Variants in ADAMTS17 observed in about 807,000 individuals in gnomAD.
ADAMTS17 encodes A disintegrin and metalloproteinase with thrombospondin motifs 17.
A neutral mutation model predicts 141.5 loss-of-function variants in ADAMTS17; 113 were observed. The ratio of observed to expected loss-of-function variants is 0.80; its 90% CI spans 0.69 to 0.93. ADAMTS17 has a LOEUF of 0.93. Among genes scored for constraint, ADAMTS17 ranks in the 40% least tolerant of loss-of-function variants. The pLI, the probability that ADAMTS17 is intolerant of heterozygous loss-of-function variation, is 0.00. For synonymous variants in ADAMTS17, 768 were observed against 630.6 expected (o/e 1.22, Z -3.27); for missense variants, 1,659 against 1,517.9 (o/e 1.09, Z -1.54).
At chr15:100,161,729 A>G (rs1709194763) in intron 8 of ADAMTS17, among the ~76,000 whole-genome samples, 1 of 152,220 alleles carries the variant, frequency 6.6e-6, no homozygotes, top group African/African-American at 2.4e-5. Flanking sequence ...AGCTACTCAG[A>G]AATGCTACCT....
rs575495219 is a variant in ADAMTS17, at chr15:100,226,135, C to G, written c.1076-26712G>C. On this transcript the variant is annotated intron_variant, in intron 7 of 21. Transcript: ENST00000268070. ...TGCCATTCAGTCCTTACAGCAGTCA[C>G]GGCCTCTGTGCCCATTCAGTCCTTA... Among the ~76,000 whole-genome samples, 458 of 150,992 alleles carry G rather than the reference C, an allele frequency of 3.0e-3. 6 individuals are homozygous for G. Among genetic ancestry groups the G allele is most frequent in the African/African-American group, 0.011 (435 of 41,320 alleles).
At chr15:100,162,427 T>C (rs1473880173) in intron 8 of ADAMTS17, among the ~76,000 whole-genome samples, 1 of 144,796 alleles carries the variant, frequency 6.9e-6, no homozygotes, top group Non-Finnish European at 1.5e-5. Context: ...TATAACTATA[T>C]AGTTATATAT....
chr15:100,340,030 G>A (rs1447894977), intron 2 of ADAMTS17, among the ~76,000 whole-genome samples: 3 of 152,226 alleles, frequency 2.0e-5, no homozygotes, highest in African/African-American at 7.2e-5. Flanking sequence ...TGCCTGGGAA[G>A]GACAGACACA....
At chr15:100,221,408 T>C (rs1000495825) in intron 7 of ADAMTS17, among the ~76,000 whole-genome samples, 2 of 152,126 alleles carry the variant, frequency 1.3e-5, no homozygotes, top group East Asian at 1.9e-4. Flanking sequence ...CATACACTCA[T>C]ATAAGGTGGT....
intron 12 of ADAMTS17, among the ~76,000 whole-genome samples, chr15:100,131,670 A>G (rs1180997521): frequency 3.9e-5 from 6 of 152,218 alleles, no homozygotes; most frequent in Non-Finnish European, 7.3e-5. Context: ...AGAGACAGCC[A>G]GTGTGGAATG....
At chr15:100,202,941 T>C (rs2041390251) in intron 7 of ADAMTS17, among the ~76,000 whole-genome samples, 1 of 152,190 alleles carries the variant, frequency 6.6e-6, no homozygotes, top group East Asian at 1.9e-4. Flanking sequence ...TCCAGCCTTC[T>C]ATGATTTAAA....
chr15:100,203,777 T>C (rs766463268), intron 7 of ADAMTS17, among the ~76,000 whole-genome samples: 9 of 152,242 alleles, frequency 5.9e-5, no homozygotes, highest in Middle Eastern at 3.4e-3. Context: ...CAGGTCCCTA[T>C]GGTCCCAGCT....
intron 8 of ADAMTS17, among the ~76,000 whole-genome samples, chr15:100,181,798 C>T (rs1376946384): frequency 5.3e-5 from 8 of 152,234 alleles, no homozygotes; most frequent in Non-Finnish European, 1.2e-4. Flanking sequence ...AGGGGTGGCA[C>T]AAGCACTCCC....
chr15:100,287,906 C>T (rs117892102), intron 3 of ADAMTS17, among the ~76,000 whole-genome samples: 2,497 of 152,294 alleles, frequency 0.016, 36 homozygotes, highest in Non-Finnish European at 0.027. Flanking sequence ...ACCACAAAAA[C>T]GCACTTAAGT....
At chr15:100,161,378 C>T (rs1004125373) in intron 8 of ADAMTS17, among the ~76,000 whole-genome samples, 14 of 152,030 alleles carry the variant, frequency 9.2e-5, no homozygotes, top group African/African-American at 1.7e-4. Context: ...GCGTCAGGTC[C>T]GGCCTCACCT....
chr15:100,057,688 G>A (rs28577153), intron 15 of ADAMTS17, among the ~76,000 whole-genome samples: 2 of 152,144 alleles, frequency 1.3e-5, no homozygotes, highest in Middle Eastern at 6.8e-3. Flanking sequence ...CCAGGCACAG[G>A]CCCATCACCC....
At chr15:100,081,200 T>C (rs2034712322) in intron 15 of ADAMTS17, among the ~76,000 whole-genome samples, 1 of 152,178 alleles carries the variant, frequency 6.6e-6, no homozygotes, top group Non-Finnish European at 1.5e-5. Context: ...AGCCTACATC[T>C]TTCTCCTGTG....
At chr15:100,288,134 C>T (rs1051231446) in intron 3 of ADAMTS17, among the ~76,000 whole-genome samples, 2 of 152,160 alleles carry the variant, frequency 1.3e-5, no homozygotes, top group African/African-American at 4.8e-5. Flanking sequence ...TGCAGTGACA[C>T]CCACAGGATC....
rs574888136 is a variant in ADAMTS17 at position 100,111,375 on chromosome 15, C to T, written c.1889-2259G>A. Among the ~76,000 whole-genome samples the T allele has an allele frequency of 7.9e-5, 12 of 152,336 alleles. No homozygotes were observed. The South Asian group carries it at 2.5e-3, about 32-fold the overall frequency. On this transcript the variant is annotated intron_variant, in intron 13 of 21. Coordinates refer to ENST00000268070, the MANE Select transcript of ADAMTS17 (RefSeq NM_139057.4). Reference sequence around the variant, plus strand: ...TGGCAGGCTAGGGGCAGCTGTCCTTCCACTTGCAGGGAAGGACCTCAGGAG... The same window carrying T: ...TGGCAGGCTAGGGGCAGCTGTCCTTTCACTTGCAGGGAAGGACCTCAGGAG...
In ADAMTS17 at chr15:100,150,400, C is replaced by A. The variant is rs1038812676; in HGVS notation, c.1473+2212G>T. 8.5e-5 allele frequency among the ~76,000 whole-genome samples: 13 copies of A among 152,306 alleles called. No homozygotes were observed. In the South Asian group the frequency reaches 2.3e-3, roughly 27 times the overall value. Reference sequence around the variant, plus strand: ...CCCCTGGGCTCGCTTTCCAGCCCACCCCTTTCCAGCTGGGTGAGCCTGGCT... The same window carrying A: ...CCCCTGGGCTCGCTTTCCAGCCCACACCTTTCCAGCTGGGTGAGCCTGGCT... On this transcript the variant is annotated intron_variant, in intron 10 of 21. Coordinates refer to ENST00000268070, the MANE Select transcript of ADAMTS17 (RefSeq NM_139057.4).
At chr15:100,279,174 CAA>C (rs1433833736) in intron 4 of ADAMTS17, among the ~76,000 whole-genome samples, 1 of 152,168 alleles carries the variant, frequency 6.6e-6, no homozygotes, top group Non-Finnish European at 1.5e-5. Context: ...CACACATGGG[CAA>C]AGAGTCACCT....
intron 7 of ADAMTS17, among the ~76,000 whole-genome samples, chr15:100,211,714 A>G (rs1287215765): frequency 6.6e-6 from 1 of 152,222 alleles, no homozygotes; most frequent in East Asian, 1.9e-4. Context: ...AGACATTTTC[A>G]ATTCCTAAAA....
chr15:100,083,647 G>T lies in ADAMTS17; in HGVS notation c.2137+12709C>A, dbSNP rs547707063. On this transcript the variant is annotated intron_variant, in intron 15 of 21. Transcript: ENST00000268070. ...TTGGATGTTTACAAATAAATGTCCT[G>T]CAGGATGTTTGGAGAGACTTCACAA... 7.9e-5 allele frequency among the ~76,000 whole-genome samples: 12 copies of T among 151,884 alleles called. No individual in the cohort carries two copies. In the South Asian group the frequency reaches 2.3e-3, roughly 29 times the overall value.
chr15:100,325,845 A>C (rs970259664), intron 3 of ADAMTS17, among the ~76,000 whole-genome samples: 1 of 152,220 alleles, frequency 6.6e-6, no homozygotes, highest in Non-Finnish European at 1.5e-5. Context: ...AGGCAACACA[A>C]ATCGACTAAC....
Sources: gnomAD v4.1 joint callset for allele counts (sites outside exome capture counted in the v4.1 genomes callset) on GRCh38, gnomAD v4.1.1 for gene constraint, MANE v1.5 for transcripts, NCBI Gene and HGNC (gene_info 2026-07-23, HGNC 2026-07-21) for gene names.